Variants in RYR1 observed in about 807,000 individuals in gnomAD.
RYR1 encodes the protein central core disease of muscle.
A neutral mutation model predicts 583.5 loss-of-function variants in RYR1; 342 were observed. The observed-to-expected ratio is 0.59, with a 90% confidence interval of 0.54 to 0.64. The LOEUF is 0.64. Ranked by LOEUF, RYR1 falls within the 30% of genes least tolerant of loss-of-function variation. RYR1 has a pLI of 0.00. For missense variants in RYR1, 6,032 were observed against 6,917.2 expected, an observed-to-expected ratio of 0.87 and a Z score of 4.54; for synonymous variants, 2,791 against 2,822.5, an observed-to-expected ratio of 0.99 and a Z score of 0.35.
chr19:38,467,251 A>G (rs1384000400), intron 24 of RYR1, among the ~76,000 whole-genome samples: 1 of 151,744 alleles, frequency 6.6e-6, no homozygotes, highest in Non-Finnish European at 1.5e-5. Context: ...CCTGGCTCTG[A>G]CCCTCCAATC....
At chr19:38,459,362 G>C in intron 19 of RYR1, 24 bp downstream of exon 19, 1 of 1,611,176 alleles carries the variant, frequency 6.2e-7, no homozygotes, top group South Asian at 1.1e-5. Flanking sequence ...CCCACCCCAC[G>C]GCCAGTCCTC....
chr19:38,439,006 C>A (rs1600625404), intron 1 of RYR1, among the ~76,000 whole-genome samples: 1 of 152,040 alleles, frequency 6.6e-6, no homozygotes, highest in East Asian at 1.9e-4. Context: ...ACCACCGCGT[C>A]CAGCCAAGGC....
In RYR1 at chr19:38,511,574, C is replaced by T. The variant is rs2145659189; in HGVS notation, c.9136C>T (p.Leu3046Phe). ...KEMITSLFCK[L>F]AALVRHRVSL... is the part of the protein sequence containing the mutation. The stretch of plus-strand genomic sequence containing the variant: ...CTCTTTCTTCAGCCTCTTCTGCAAA[C>T]TTGCTGCTCTCGTCCGCCACCGAGT... The change falls in exon 61 of 106, where the codon CTT becomes TTT. Residue 3046 changes from leucine to phenylalanine, a missense_variant. Leu to Phe is a conservative substitution (Grantham distance 22, BLOSUM62 0). Around this residue, in one of 11 missense-constraint regions of RYR1, gnomAD observed 1,493 missense variants for 1,715.5 expected, o/e 0.87. Transcript: ENST00000359596. The T allele has an allele frequency of 6.2e-7, 1 of 1,614,018 alleles. No individual in the cohort carries two copies. Among genetic ancestry groups the T allele is most frequent in the East Asian group, 2.2e-5 (1 of 44,894 alleles).
intron 1 of RYR1, among the ~76,000 whole-genome samples, chr19:38,439,419 G>A (rs544754636): frequency 6.6e-6 from 1 of 152,074 alleles, no homozygotes; most frequent in South Asian, 2.1e-4. Context: ...GGCTGGTCTC[G>A]AACTTCTGAC....
chr19:38,546,341 A>C, intron 87 of RYR1, 104 bp from the exon 88 acceptor site: 1 of 909,132 alleles, frequency 1.1e-6, no homozygotes, highest in Non-Finnish European at 1.8e-6. Context: ...GTAAGAGGGG[A>C]GAAAACGGGT....
Position 38,435,561 on chromosome 19 carries a change from G to A in RYR1, c.45+1687G>A, listed in dbSNP as rs147590150. Among the ~76,000 whole-genome samples, 306 of 152,128 alleles carry A rather than the reference G, an allele frequency of 2.0e-3. 1 individual carries two copies. The highest frequency in any genetic ancestry group is 6.7e-3 in the African/African-American group (280 of 41,498). ...AGCCTGGCCAACATGGTGAAACCCC[G>A]TCTCTACTAAAAATACAAAAAAATA... is the stretch of plus-strand genomic sequence containing the variant. On this transcript the variant is annotated intron_variant, in intron 1 of 105. Coordinates refer to ENST00000359596, the MANE Select transcript of RYR1 (RefSeq NM_000540.3).
At chr19:38,502,753 G>C (rs769707479) in intron 48 of RYR1, 26 bp downstream of exon 48, 4 of 378,668 alleles carry the variant, frequency 1.1e-5, no homozygotes, top group South Asian at 7.5e-5. Context: ...CTTCAGGGTG[G>C]GGCAGGGGCA....
intron 89 of RYR1, among the ~76,000 whole-genome samples, chr19:38,553,415 C>T (rs1474277477): frequency 1.3e-5 from 2 of 151,022 alleles, no homozygotes; most frequent in Non-Finnish European, 2.9e-5. Flanking sequence ...GAGGCCAAGG[C>T]AGGAGGATTG....
Position 38,565,169 on chromosome 19 carries a change from G to A in RYR1, c.12835G>A (p.Ala4279Thr), listed in dbSNP as rs766705028. 7.9e-6 allele frequency: 11 copies of A among 1,389,530 alleles called. No homozygotes were observed. Among genetic ancestry groups the A allele is most frequent in the South Asian group, 1.4e-5 (1 of 69,344 alleles). 86.1% of individuals were successfully genotyped at this position (1,389,530 alleles called of 1,614,324 possible). A position where few individuals can be genotyped will look rare whatever the true frequency, so the allele number is the denominator to read the frequency against. The change falls in exon 91 of 106, where the codon GCG (alanine) becomes ACG (threonine). Residue 4279 changes from alanine to threonine, a missense_variant. Physicochemically the swap from Ala to Thr is moderately conservative, Grantham distance 58. Transcript: ENST00000359596. The surrounding 1 kb of genome is among the most constrained non-coding windows in gnomAD (Gnocchi z 4.7). ...EAGAEGAEEG[A>T]AGLEGTAATA... The stretch of plus-strand genomic sequence containing the variant: ...GGGCGCGGAAGGCGCGGAGGAGGGC[G>A]CGGCGGGGCTCGAGGGCACGGCGGC...
At chr19:38,586,648 G>T (rs1030390371) in intron 105 of RYR1, 72 bp downstream of exon 105, 1 of 1,387,270 alleles carries the variant, frequency 7.2e-7, no homozygotes, top group Non-Finnish European at 1.0e-6. Flanking sequence ...TCAGTAGGTG[G>T]CAGTAAAAAG....
intron 53 of RYR1, 116 bp downstream of exon 53, chr19:38,505,514 G>A: frequency 1.2e-6 from 1 of 831,768 alleles, no homozygotes; most frequent in Non-Finnish European, 2.0e-6. Context: ...TGTGGGTTAG[G>A]TCTCCCCATT....
At chr19:38,580,805 C>T (rs916743572) in intron 101 of RYR1, among the ~76,000 whole-genome samples, 4 of 152,040 alleles carry the variant, frequency 2.6e-5, no homozygotes, top group African/African-American at 9.7e-5. Flanking sequence ...TACGAATGGG[C>T]CACTACACTC....
chr19:38,565,149 C>T lies in RYR1; in HGVS notation c.12815C>T (p.Ala4272Val). 4.6e-6 allele frequency: 7 copies of T among 1,516,374 alleles called. No homozygotes were observed. Among genetic ancestry groups the T allele is most frequent in the Non-Finnish European group, 6.2e-6 (7 of 1,135,634 alleles). The allele number at this position is 1,516,374 out of a possible 1,614,324, so 93.9% of individuals were successfully genotyped here. ...DEGAGAAEAG[A>V]EGAEEGAAGL... ...GGCGCGGGCGCGGCGGAGGCGGGCG[C>T]GGAAGGCGCGGAGGAGGGCGCGGCG... The change falls in exon 91 of 106, where the codon GCG (alanine) becomes GTG (valine). Residue 4272 changes from alanine (A) to valine (V), a missense_variant. Around this residue, in one of 11 missense-constraint regions of RYR1, gnomAD observed 753 missense variants for 759.6 expected, o/e 0.99. Coordinates refer to ENST00000359596, the MANE Select transcript of RYR1 (RefSeq NM_000540.3). The surrounding 1 kb of genome is among the most constrained non-coding windows in gnomAD (Gnocchi z 4.7).
chr19:38,506,758 G>GC, intron 56 of RYR1, 71 bp from the exon 57 acceptor site: 9 of 1,610,508 alleles, frequency 5.6e-6, no homozygotes, highest in Non-Finnish European at 7.6e-6. Flanking sequence ...GCCGGGCACT[G>GC]CAGGAACCAC....
intron 3 of RYR1, 81 bp downstream of exon 3, chr19:38,442,534 G>A: frequency 1.0e-6 from 1 of 996,622 alleles, no homozygotes. Flanking sequence ...CGGTGGCAAG[G>A]ATGGGTGAGA....
At chr19:38,545,816 A>G (rs1332176528) in intron 87 of RYR1, among the ~76,000 whole-genome samples, 1 of 152,230 alleles carries the variant, frequency 6.6e-6, no homozygotes, top group Non-Finnish European at 1.5e-5. Flanking sequence ...TGTCTCAAAA[A>G]GAAAGAAATT....
intron 90 of RYR1, among the ~76,000 whole-genome samples, chr19:38,563,554 C>A (rs766641124): frequency 1.3e-5 from 2 of 152,214 alleles, no homozygotes; most frequent in Non-Finnish European, 2.9e-5. Flanking sequence ...TGTGCGCCAC[C>A]GTGGCCTGCC....
At position 38,458,185 on chromosome 19, in the gene RYR1, T is replaced by C. The variant is rs1309676823; in HGVS notation, c.2060T>C (p.Leu687Pro). ...ACCCACTTGCGGGTGGGCTGGGCCC[T>C]CACCGAGGGCTACACCCCCTACCCT... ...QATHLRVGWALTEGYTPYPGA... is the reference protein window; with the variant it reads ...QATHLRVGWAPTEGYTPYPGA... Residue 687 changes from leucine to proline, a missense_variant, in exon 18 of 106, where the codon CTC (leucine) becomes CCC (proline). This residue lies in a region of RYR1 where 2,627 missense variants were observed against 2,961.3 expected (regional missense o/e 0.89). Coordinates refer to ENST00000359596, the MANE Select transcript of RYR1 (RefSeq NM_000540.3). 1 of 1,609,934 alleles carries C rather than the reference T, an allele frequency of 6.2e-7. No individual in the cohort carries two copies. The highest frequency in any genetic ancestry group is 8.5e-7 in the Non-Finnish European group (1 of 1,178,452).
chr19:38,563,555 G>A (rs753797746), intron 90 of RYR1, among the ~76,000 whole-genome samples: 18 of 152,184 alleles, frequency 1.2e-4, no homozygotes, highest in Non-Finnish European at 2.2e-4. Context: ...GTGCGCCACC[G>A]TGGCCTGCCC....
Sources: allele counts gnomAD v4.1 joint callset (sites outside exome capture counted in the v4.1 genomes callset), GRCh38; gene constraint gnomAD v4.1.1; regional missense constraint gnomAD v4.1.1; non-coding constraint Gnocchi (gnomAD v3.1); transcripts MANE v1.5; gene names NCBI Gene and HGNC (gene_info 2026-07-23, HGNC 2026-07-21).